EDNRA: variants seen among roughly 807,000 people sequenced by gnomAD.
EDNRA encodes the protein endothelin-1 receptor.
Under a neutral mutation model 41.4 loss-of-function variants are expected in EDNRA, and 11 were observed. The ratio of observed to expected loss-of-function variants is 0.27; its 90% CI spans 0.17 to 0.44. The LOEUF (loss-of-function observed/expected upper bound fraction) is 0.44, where lower values mean the gene tolerates loss of function less well. Among genes scored for constraint, EDNRA ranks in the 20% least tolerant of loss-of-function variants. EDNRA has a pLI of 1.00. For synonymous variants in EDNRA, 172 were observed against 183.0 expected, an observed-to-expected ratio of 0.94 and a Z score of 0.49; for missense variants, 294 against 531.0, an observed-to-expected ratio of 0.55 and a Z score of 4.39.
At chr4:147,535,835 C>G (rs1730899258) in intron 4 of EDNRA, 42 bp from the exon 5 acceptor site, 1 of 1,600,128 alleles carries the variant, frequency 6.2e-7, no homozygotes, top group Non-Finnish European at 8.5e-7. Context: ...ATTGACATGA[C>G]TCTGCTCCTC....
At chr4:147,501,102 T>C (rs1281869631) in intron 2 of EDNRA, among the ~76,000 whole-genome samples, 2 of 151,936 alleles carry the variant, frequency 1.3e-5, no homozygotes, top group Non-Finnish European at 2.9e-5. Context: ...AAACATTTAG[T>C]TTATTTGTGG....
At chr4:147,489,548 G>A (rs896652672) in intron 2 of EDNRA, 3 of 151,986 alleles carry the variant, frequency 2.0e-5, no homozygotes, top group East Asian at 1.9e-4. Context: ...GTACTGAAAC[G>A]GTTTCATAGA....
intron 2 of EDNRA, among the ~76,000 whole-genome samples, chr4:147,497,593 A>G (rs1729351012): frequency 6.6e-6 from 1 of 151,084 alleles, no homozygotes; most frequent in Non-Finnish European, 1.5e-5. Context: ...TTTTTTTGAG[A>G]TGGAGTCTCG....
chr4:147,500,704 G>A (rs902410136), intron 2 of EDNRA, among the ~76,000 whole-genome samples: 5 of 150,722 alleles, frequency 3.3e-5, no homozygotes, highest in Non-Finnish European at 5.9e-5. Flanking sequence ...AAAAAAAAAT[G>A]TTGGGAGGAA....
At chr4:147,512,182 T>C (rs931447843) in intron 2 of EDNRA, among the ~76,000 whole-genome samples, 4 of 152,222 alleles carry the variant, frequency 2.6e-5, no homozygotes, top group Admixed American at 2.6e-4. Context: ...TCCCTCACTT[T>C]TGGATTGGTA....
At chr4:147,502,184 T>A (rs1729539795) in intron 2 of EDNRA, among the ~76,000 whole-genome samples, 1 of 152,202 alleles carries the variant, frequency 6.6e-6, no homozygotes, top group Non-Finnish European at 1.5e-5. Flanking sequence ...GATAATTTAA[T>A]GTGTCATTTA....
chr4:147,542,375 G>A, intron 7 of EDNRA, 103 bp from the exon 8 acceptor site: 1 of 1,512,044 alleles, frequency 6.6e-7, no homozygotes, highest in Non-Finnish European at 9.0e-7. Flanking sequence ...TCCCTCGAAT[G>A]CGAATGGACA....
chr4:147,544,513 G>C lies in EDNRA; in HGVS notation c.*1895G>C, dbSNP rs1453356547. On this transcript the variant is annotated 3_prime_UTR_variant, in exon 8 of 8. Transcript: ENST00000651419. ...GATAATAAATTAGGTAAGATAATTT[G>C]TTGGGCCATATTTTAGGACAGGTAA... 6.6e-6 allele frequency: 1 copy of C among 152,586 alleles called. No individual in the cohort carries two copies. The highest frequency in any genetic ancestry group is 1.5e-5 in the Non-Finnish European group (1 of 68,032). The allele number at this position is 152,586 out of a possible 1,614,324, so 9.5% of individuals were successfully genotyped here. A position where few individuals can be genotyped will look rare whatever the true frequency, so the allele number is the denominator to read the frequency against.
chr4:147,482,048 G>C (rs1303607078), intron 1 of EDNRA, among the ~76,000 whole-genome samples: 2 of 152,214 alleles, frequency 1.3e-5, no homozygotes, highest in Non-Finnish European at 2.9e-5. Flanking sequence ...AGTTGGGGGT[G>C]GGAGGCATAT....
chr4:147,540,492 T>C lies in EDNRA; in HGVS notation c.1143+7T>C. The C allele has an allele frequency of 6.3e-7, 1 of 1,589,670 alleles. No individual in the cohort carries two copies. Among genetic ancestry groups the C allele is most frequent in the Non-Finnish European group, 8.6e-7 (1 of 1,162,486 alleles). On this transcript the variant is annotated splice_region_variant and intron_variant, in intron 7 of 7. Transcript: ENST00000651419. ...ATTTAAAAATTGTTTCCAGGTAAGA[T>C]GATTTTTCAAGTATTTTTTAAAGAC...
At position 147,544,480 on chromosome 4, in the gene EDNRA, A is replaced by AGAT. The variant is rs1731224120; in HGVS notation, c.*1863_*1865dup. On this transcript the variant is annotated 3_prime_UTR_variant, in exon 8 of 8. Coordinates refer to ENST00000651419, the MANE Select transcript of EDNRA (RefSeq NM_001957.4). Reference sequence around the variant, plus strand: ...ATATTTCTTTCAGACTTCGCCAGACAGATTGCTGATAATAAATTAGGTAAG... The same window carrying AGAT: ...ATATTTCTTTCAGACTTCGCCAGACAGATGATTGCTGATAATAAATTAGGTAAG... The AGAT allele has an allele frequency of 6.6e-6, 1 of 152,660 alleles. No individual in the cohort carries two copies. Among genetic ancestry groups the AGAT allele is most frequent in the African/African-American group, 2.4e-5 (1 of 41,462 alleles). 9.5% of individuals were successfully genotyped at this position (152,660 alleles called of 1,614,324 possible).
At chr4:147,507,924 C>CTA (rs1729777935) in intron 2 of EDNRA, among the ~76,000 whole-genome samples, 1 of 152,116 alleles carries the variant, frequency 6.6e-6, no homozygotes, top group Non-Finnish European at 1.5e-5. Context: ...TTTTCTATGT[C>CTA]CTTACCTACT....
chr4:147,502,394 AGAAG>A (rs1729547533), intron 2 of EDNRA, among the ~76,000 whole-genome samples: 1 of 152,200 alleles, frequency 6.6e-6, no homozygotes, highest in Non-Finnish European at 1.5e-5. Flanking sequence ...GATATTTAGA[AGAAG>A]GATTTGTGAA....
At chr4:147,505,326 C>CTTTTTT (rs1729660192) in intron 2 of EDNRA, among the ~76,000 whole-genome samples, 36 of 82,014 alleles carry the variant, frequency 4.4e-4, no homozygotes, top group African/African-American at 1.7e-3. Context: ...TTTCTTTTTT[C>CTTTTTT]ATTTTTTTTT....
intron 5 of EDNRA, 72 bp downstream of exon 5, chr4:147,536,101 C>T: frequency 6.6e-7 from 1 of 1,520,238 alleles, no homozygotes. Flanking sequence ...CTGCAAATAC[C>T]ATCTTTAGTA....
rs113823592 is a variant in EDNRA, at chr4:147,535,853, CT to C, written c.748-11del. On this transcript the variant is annotated intron_variant, in intron 4 of 7. Coordinates refer to ENST00000651419, the MANE Select transcript of EDNRA (RefSeq NM_001957.4). ...GACATGACTCTGCTCCTCCTTTTCT[CT>C]TTTTTTTTTTTTCACTTTGAAGTTC... is the stretch of plus-strand genomic sequence containing the variant. 63,608 of 1,021,554 alleles carry C rather than the reference CT, an allele frequency of 0.062. No individual in the cohort carries two copies. The highest frequency in any genetic ancestry group is 0.096 in the East Asian group (2,752 of 28,582). 63.3% of individuals were successfully genotyped at this position (1,021,554 alleles called of 1,614,324 possible). A position where few individuals can be genotyped will look rare whatever the true frequency, so the allele number is the denominator to read the frequency against.
chr4:147,543,941 C>T lies in EDNRA; in HGVS notation c.*1323C>T, dbSNP rs1188975080. 6.6e-6 allele frequency: 1 copy of T among 152,560 alleles called. No homozygotes were observed. The highest frequency in any genetic ancestry group is 2.4e-5 in the African/African-American group (1 of 41,418). 9.5% of individuals were successfully genotyped at this position (152,560 alleles called of 1,614,324 possible). On this transcript the variant is annotated 3_prime_UTR_variant, in exon 8 of 8. Transcript: ENST00000651419. Reference sequence around the variant, plus strand: ...CAGTGACTTTTGCTGGGCATTTTCCCAGATGTTTACAGACTGTGAGTACAG... The same window carrying T: ...CAGTGACTTTTGCTGGGCATTTTCCTAGATGTTTACAGACTGTGAGTACAG...
At chr4:147,520,101 C>CTA in intron 3 of EDNRA, 123 bp downstream of exon 3, 1 of 1,272,156 alleles carries the variant, frequency 7.9e-7, no homozygotes, top group Non-Finnish European at 1.1e-6. Flanking sequence ...TGAATTAAAG[C>CTA]ATTAACCATC....
chr4:147,524,158 TAA>T (rs142376177), intron 3 of EDNRA, among the ~76,000 whole-genome samples: 1 of 143,730 alleles, frequency 7.0e-6, no homozygotes, highest in Non-Finnish European at 1.5e-5. Context: ...TCATAAAACT[TAA>T]AAAAAAAAAA....
Sources: gnomAD v4.1 joint callset for allele counts (sites outside exome capture counted in the v4.1 genomes callset) on GRCh38, gnomAD v4.1.1 for gene constraint, MANE v1.5 for transcripts, NCBI Gene and HGNC (gene_info 2026-07-23, HGNC 2026-07-21) for gene names.